Variants in KAT7 observed in about 807,000 individuals in gnomAD.
KAT7 encodes the protein histone acetyltransferase KAT7.
In KAT7, 10 loss-of-function variants were observed where a neutral mutation model predicts 82.1. The ratio of observed to expected loss-of-function variants is 0.12; its 90% confidence interval spans 0.08 to 0.21. The LOEUF (loss-of-function observed/expected upper bound fraction) is 0.21, where lower values mean the gene tolerates loss of function less well. Ranked by LOEUF, KAT7 falls within the 10% of genes least tolerant of loss-of-function variation. The pLI is 1.00. For missense variants in KAT7, 378 were observed against 760.9 expected (o/e 0.50, Z 5.92); for synonymous variants, 250 against 262.5 (o/e 0.95, Z 0.46).
At chr17:49,803,316 T>C (rs1047552874) in intron 4 of KAT7, among the ~76,000 whole-genome samples, 2 of 151,590 alleles carry the variant, frequency 1.3e-5, no homozygotes, top group African/African-American at 2.4e-5. Context: ...CTCACCATGT[T>C]GGCCAGGCTG....
chr17:49,809,044 T>C (rs2074128381), intron 5 of KAT7, 75 bp from the exon 6 acceptor site: 1 of 1,114,830 alleles, frequency 9.0e-7, no homozygotes, highest in South Asian at 1.3e-5. Context: ...CAAGGCATTA[T>C]CATTGTATTC....
intron 1 of KAT7, among the ~76,000 whole-genome samples, chr17:49,790,444 G>A (rs554085493): frequency 6.6e-5 from 10 of 152,246 alleles, no homozygotes; most frequent in South Asian, 2.1e-4. Flanking sequence ...TGATCCACCC[G>A]CCTCGGCCTC....
chr17:49,820,293 CT>C (rs1287781132), intron 9 of KAT7, among the ~76,000 whole-genome samples: 114 of 144,388 alleles, frequency 7.9e-4, no homozygotes, highest in Middle Eastern at 3.5e-3. Flanking sequence ...ACACTTTTTT[CT>C]TTTTTTTTTT....
At position 49,798,417 on chromosome 17, in the gene KAT7, G is replaced by A. The variant is rs2073982972; in HGVS notation, c.439G>A (p.Val147Ile). ...TGACATAGACATCTCCAGCCCCAATGTATCTCACGATGAGAGCATTGCCAA... is the reference window on the plus strand; with the variant it reads ...TGACATAGACATCTCCAGCCCCAATATATCTCACGATGAGAGCATTGCCAA... ...ESDIDISSPN[V>I]SHDESIAKDM... Residue 147 changes from valine (V) to isoleucine (I), a missense_variant, in exon 4 of 15, where the codon GTA becomes ATA. Coordinates refer to ENST00000259021, the MANE Select transcript of KAT7 (RefSeq NM_007067.5). 1 of 1,614,226 alleles carries A rather than the reference G, an allele frequency of 6.2e-7. No homozygotes were observed. Among genetic ancestry groups the A allele is most frequent in the African/African-American group, 1.3e-5 (1 of 75,066 alleles).
chr17:49,808,979 A>C, intron 5 of KAT7, 140 bp from the exon 6 acceptor site: 1 of 625,118 alleles, frequency 1.6e-6, no homozygotes. Context: ...TCTTTCTTGT[A>C]GAGATTGTGA....
intron 2 of KAT7, among the ~76,000 whole-genome samples, chr17:49,794,887 T>G (rs573792050): frequency 2.5e-4 from 38 of 152,222 alleles, no homozygotes; most frequent in Non-Finnish European, 4.9e-4. Context: ...TAGATCATAT[T>G]GTGAAAGGAG....
chr17:49,813,581 C>T (rs888119087), intron 7 of KAT7, among the ~76,000 whole-genome samples: 2 of 152,018 alleles, frequency 1.3e-5, no homozygotes, highest in African/African-American at 4.8e-5. Flanking sequence ...AACCACGGAT[C>T]GGAAATATTC....
At chr17:49,815,773 C>A in intron 7 of KAT7, 30 bp from the exon 8 acceptor site, 1 of 1,261,150 alleles carries the variant, frequency 7.9e-7, no homozygotes, top group Non-Finnish European at 1.2e-6. Flanking sequence ...CAGAGAGTAT[C>A]AGAGTATCAC....
intron 2 of KAT7, among the ~76,000 whole-genome samples, chr17:49,794,895 GA>G (rs2073936104): frequency 6.6e-6 from 1 of 152,186 alleles, no homozygotes; most frequent in Non-Finnish European, 1.5e-5. Flanking sequence ...ATTGTGAAAG[GA>G]GGCCCCTTGG....
intron 12 of KAT7, 111 bp downstream of exon 12, chr17:49,823,406 G>A (rs925804966): frequency 1.5e-6 from 1 of 671,064 alleles, no homozygotes. Context: ...AAGGTACATG[G>A]ATATTTAGTA....
At chr17:49,817,068 G>A (rs2074243746) in intron 8 of KAT7, among the ~76,000 whole-genome samples, 1 of 151,754 alleles carries the variant, frequency 6.6e-6, no homozygotes, top group South Asian at 2.1e-4. Context: ...TTTTCTAAGT[G>A]ACCATTGTGG....
chr17:49,824,917 A>T (rs924450367), intron 12 of KAT7, among the ~76,000 whole-genome samples: 2 of 151,896 alleles, frequency 1.3e-5, no homozygotes, highest in South Asian at 2.1e-4. Flanking sequence ...GATAAGGTCT[A>T]TTACACCTTA....
At chr17:49,799,401 G>C (rs2073994940) in intron 4 of KAT7, among the ~76,000 whole-genome samples, 1 of 152,216 alleles carries the variant, frequency 6.6e-6, no homozygotes, top group African/African-American at 2.4e-5. Flanking sequence ...TTGTTTTTGA[G>C]ATGGAGTCTT....
chr17:49,810,453 C>T (rs1459428687), intron 6 of KAT7, among the ~76,000 whole-genome samples: 1 of 152,148 alleles, frequency 6.6e-6, no homozygotes, highest in Non-Finnish European at 1.5e-5. Context: ...GACAGGGTTT[C>T]ACCATGTTGG....
intron 9 of KAT7, among the ~76,000 whole-genome samples, chr17:49,818,303 T>A (rs1170863181): frequency 6.6e-6 from 1 of 152,228 alleles, no homozygotes; most frequent in Non-Finnish European, 1.5e-5. Flanking sequence ...CCTTGGAATA[T>A]GAATTACCTC....
chr17:49,805,026 A>G (rs1488703546), intron 4 of KAT7, among the ~76,000 whole-genome samples: 1 of 152,226 alleles, frequency 6.6e-6, no homozygotes, highest in Non-Finnish European at 1.5e-5. Context: ...GGAGAGTTAC[A>G]TTCCACCAAA....
intron 12 of KAT7, chr17:49,824,364 T>G (rs1161457912): frequency 6.6e-6 from 1 of 152,306 alleles, no homozygotes; most frequent in Non-Finnish European, 1.5e-5. Context: ...CTTTCTTTCT[T>G]TCTTTCTTTT....
chr17:49,800,762 G>A (rs1466454561), intron 4 of KAT7, among the ~76,000 whole-genome samples: 7 of 152,124 alleles, frequency 4.6e-5, no homozygotes, highest in African/African-American at 1.2e-4. Context: ...ATAGATAGAC[G>A]TGTAATATAT....
At chr17:49,806,957 G>C (rs1174654732) in intron 5 of KAT7, among the ~76,000 whole-genome samples, 1 of 152,210 alleles carries the variant, frequency 6.6e-6, no homozygotes, top group East Asian at 1.9e-4. Flanking sequence ...TAAGTGGAAA[G>C]ATTAGACAAA....
Sources: gnomAD v4.1 joint callset for allele counts (sites outside exome capture counted in the v4.1 genomes callset) on GRCh38, gnomAD v4.1.1 for gene constraint, MANE v1.5 for transcripts, NCBI Gene and HGNC (gene_info 2026-07-23, HGNC 2026-07-21) for gene names.